The following TTLL5 variants were observed in gnomAD, a reference collection of about 807,000 sequenced individuals.
The protein encoded by TTLL5 is tubulin tyrosine ligase like 5, also known as tubulin polyglutamylase TTLL5.
TTLL5 carries 132 observed loss-of-function variants against 168.4 expected under a neutral mutation model. That is an observed-to-expected ratio of 0.78 (90% confidence interval 0.68 to 0.91). TTLL5 has a LOEUF of 0.91. Ranked by LOEUF, TTLL5 falls within the 40% of genes least tolerant of loss-of-function variation. The pLI, the probability that TTLL5 is intolerant of heterozygous loss-of-function variation, is 0.00. For synonymous variants in TTLL5, 546 were observed against 558.6 expected, an observed-to-expected ratio of 0.98 and a Z score of 0.32; for missense variants, 1,545 against 1,581.5, an observed-to-expected ratio of 0.98 and a Z score of 0.39.
At chr14:75,884,586 A>G (rs2031999226) in intron 30 of TTLL5, among the ~76,000 whole-genome samples, 1 of 152,212 alleles carries the variant, frequency 6.6e-6, no homozygotes, top group African/African-American at 2.4e-5. Flanking sequence ...AAAAGCGGAG[A>G]TTTCTTCAGA....
intron 31 of TTLL5, among the ~76,000 whole-genome samples, chr14:75,946,831 C>T (rs1302435292): frequency 3.3e-5 from 5 of 151,664 alleles, no homozygotes; most frequent in Non-Finnish European, 7.4e-5. Flanking sequence ...GTGGCCTTTG[C>T]GGTGAGAACT....
chr14:75,863,609 C>T (rs1409758997), intron 28 of TTLL5, 58 bp from the exon 29 acceptor site: 3 of 1,483,932 alleles, frequency 2.0e-6, no homozygotes, highest in Non-Finnish European at 2.7e-6. Flanking sequence ...TCTCTCCTTT[C>T]CTCTAGATTG....
chr14:75,812,624 C>A (rs1051792320), intron 27 of TTLL5, among the ~76,000 whole-genome samples: 19 of 152,140 alleles, frequency 1.2e-4, no homozygotes, highest in African/African-American at 4.6e-4. Context: ...ATTTTCCCTT[C>A]TCATTCCCCT....
rs779546072 is a variant in TTLL5, at chr14:75,820,161, G to C, written c.3326G>C (p.Arg1109Thr). The change falls in exon 28 of 32, where the codon AGG (arginine) becomes ACG (threonine). Residue 1109 changes from arginine (R) to threonine (T), a missense_variant and splice_region_variant. Transcript: ENST00000298832. ...AATCACTCCAGCTCTCCTGGAAGCAGGTATGTGAAGGGCCCTGCAACTAGC... is the reference window on the plus strand; with the variant it reads ...AATCACTCCAGCTCTCCTGGAAGCACGTATGTGAAGGGCCCTGCAACTAGC... Reference protein sequence around the residue: ...PENHSSSPGSRSLQTGGFAWE... With the variant: ...PENHSSSPGSTSLQTGGFAWE... 3.8e-6 allele frequency: 6 copies of C among 1,581,670 alleles called. No individual in the cohort carries two copies. The highest frequency in any genetic ancestry group is 4.3e-6 in the Non-Finnish European group (5 of 1,166,320).
intron 31 of TTLL5, among the ~76,000 whole-genome samples, chr14:75,904,795 C>G (rs1276069665): frequency 6.6e-6 from 1 of 152,110 alleles, no homozygotes; most frequent in South Asian, 2.1e-4. Context: ...CTGAACTTTT[C>G]GAATTTGTTT....
intron 31 of TTLL5, among the ~76,000 whole-genome samples, chr14:75,914,616 C>CTTTT (rs1301805389): frequency 1.7e-5 from 2 of 121,036 alleles, no homozygotes; most frequent in African/African-American, 6.4e-5. Flanking sequence ...GATCACTACT[C>CTTTT]TTGTTTTTTT....
At chr14:75,930,393 C>A (rs1279233764) in intron 31 of TTLL5, among the ~76,000 whole-genome samples, 1 of 152,114 alleles carries the variant, frequency 6.6e-6, no homozygotes, top group Non-Finnish European at 1.5e-5. Context: ...TGTTTGAGTG[C>A]TAACGTGACA....
intron 31 of TTLL5, among the ~76,000 whole-genome samples, chr14:75,949,872 A>AG (rs1281049484): frequency 2.0e-5 from 3 of 151,950 alleles, no homozygotes; most frequent in African/African-American, 7.3e-5. Context: ...AAAAAAAAAA[A>AG]GTTACAGTTT....
At chr14:75,947,119 C>T (rs1445750264) in intron 31 of TTLL5, among the ~76,000 whole-genome samples, 3 of 152,160 alleles carry the variant, frequency 2.0e-5, no homozygotes, top group Non-Finnish European at 2.9e-5. Flanking sequence ...CAGAGGATTT[C>T]ACAGGATGGC....
intron 28 of TTLL5, among the ~76,000 whole-genome samples, chr14:75,860,352 T>G (rs1316758813): frequency 6.6e-6 from 1 of 152,208 alleles, no homozygotes; most frequent in Non-Finnish European, 1.5e-5. Flanking sequence ...GAATGTCTCC[T>G]GGGGATATTT....
At chr14:75,934,945 G>A (rs569334444) in intron 31 of TTLL5, among the ~76,000 whole-genome samples, 2 of 152,296 alleles carry the variant, frequency 1.3e-5, no homozygotes, top group South Asian at 2.1e-4. Context: ...GGGGCTGCAT[G>A]GATTAATTTG....
At chr14:75,841,112 G>C (rs1436891951) in intron 28 of TTLL5, among the ~76,000 whole-genome samples, 1 of 152,154 alleles carries the variant, frequency 6.6e-6, no homozygotes, top group African/African-American at 2.4e-5. Flanking sequence ...GCTAAGCCAT[G>C]CCTGAGGGAT....
intron 31 of TTLL5, among the ~76,000 whole-genome samples, chr14:75,922,674 A>G (rs1595273685): frequency 1.3e-5 from 2 of 152,178 alleles, no homozygotes; most frequent in East Asian, 3.8e-4. Flanking sequence ...CATCAGGGAT[A>G]TTTATCTAAA....
At chr14:75,935,784 G>A (rs1185514035) in intron 31 of TTLL5, among the ~76,000 whole-genome samples, 2 of 152,196 alleles carry the variant, frequency 1.3e-5, no homozygotes, top group Non-Finnish European at 2.9e-5. Flanking sequence ...CCTGAGAAGG[G>A]TGAGCCACAC....
chr14:75,763,555 G>A (rs1008251367), intron 18 of TTLL5, among the ~76,000 whole-genome samples: 1 of 152,062 alleles, frequency 6.6e-6, no homozygotes, highest in Non-Finnish European at 1.5e-5. Context: ...GACCTCAAAG[G>A]GAACACACTT....
intron 30 of TTLL5, among the ~76,000 whole-genome samples, chr14:75,883,910 A>G (rs1298432908): frequency 1.3e-5 from 2 of 152,318 alleles, no homozygotes; most frequent in East Asian, 3.9e-4. Flanking sequence ...CACCCTGGAA[A>G]TAGTGGAGTC....
intron 3 of TTLL5, among the ~76,000 whole-genome samples, chr14:75,671,428 C>A (rs1156229916): frequency 6.6e-6 from 1 of 152,140 alleles, no homozygotes; most frequent in African/African-American, 2.4e-5. Context: ...CCCCTTTCTT[C>A]AAAAATGGCT....
intron 31 of TTLL5, among the ~76,000 whole-genome samples, chr14:75,921,947 T>A (rs1285463505): frequency 6.6e-6 from 1 of 152,246 alleles, no homozygotes; most frequent in African/African-American, 2.4e-5. Flanking sequence ...TTCACATTCC[T>A]TGTGAGTTAC....
intron 31 of TTLL5, among the ~76,000 whole-genome samples, chr14:75,914,033 A>AAAAAAAAAAAAAAAAAAAAATATATAT: frequency 1.4e-5 from 1 of 71,118 alleles, no homozygotes; most frequent in Non-Finnish European, 2.1e-5. Context: ...AAAAAAAAAA[A>AAAAAAAAAAAAAAAAAAAAATATATAT]ATATATATAT....
Sources: allele counts gnomAD v4.1 joint callset (sites outside exome capture counted in the v4.1 genomes callset), GRCh38; gene constraint gnomAD v4.1.1; transcripts MANE v1.5; gene names NCBI Gene and HGNC (gene_info 2026-07-23, HGNC 2026-07-21).